DYRK1A: variants seen among roughly 807,000 people sequenced by gnomAD.
The protein encoded by DYRK1A is dual specificity tyrosine phosphorylation regulated kinase 1A.
A neutral mutation model predicts 79.7 loss-of-function variants in DYRK1A; 9 were observed. The ratio of observed to expected loss-of-function variants is 0.11; its 90% CI spans 0.07 to 0.20. DYRK1A has a LOEUF of 0.20. Ranked by LOEUF, DYRK1A falls within the 10% of genes least tolerant of loss-of-function variation. The pLI is 1.00. For synonymous variants in DYRK1A, 349 were observed against 329.7 expected (o/e 1.06, Z -0.63); for missense variants, 622 against 956.0 (o/e 0.65, Z 4.61).
intron 2 of DYRK1A, among the ~76,000 whole-genome samples, chr21:37,430,112 C>A (rs1188033736): frequency 6.6e-6 from 1 of 152,184 alleles, no homozygotes; most frequent in Non-Finnish European, 1.5e-5. Context: ...TAGACAGTTT[C>A]TCTTGATTTC....
chr21:37,368,984 C>G (rs1052182484), intron 1 of DYRK1A, among the ~76,000 whole-genome samples: 6 of 151,938 alleles, frequency 3.9e-5, no homozygotes, highest in East Asian at 1.9e-4. Flanking sequence ...CCCAAGAAAA[C>G]TATGTAGTCA....
At chr21:37,482,353 T>C (rs1405613869) in intron 5 of DYRK1A, among the ~76,000 whole-genome samples, 1 of 152,172 alleles carries the variant, frequency 6.6e-6, no homozygotes, top group Non-Finnish European at 1.5e-5. Flanking sequence ...AAGAGAAATA[T>C]TTTAAAGCTG....
chr21:37,397,213 A>G (rs2049973758), intron 1 of DYRK1A, among the ~76,000 whole-genome samples: 1 of 152,198 alleles, frequency 6.6e-6, no homozygotes. Context: ...CTGGGCTACC[A>G]TTACTATGGA....
intron 1 of DYRK1A, among the ~76,000 whole-genome samples, chr21:37,388,296 C>G (rs2049801885): frequency 1.3e-5 from 2 of 151,930 alleles, no homozygotes; most frequent in South Asian, 2.1e-4. Context: ...GTTGCCCAGG[C>G]TGGTCTCAAA....
rs34646709 is a variant in DYRK1A, at chr21:37,501,166, G to GTTTTTTTTTTTTTTTTT, written c.1213-4110_1213-4094dup. On this transcript the variant is annotated intron_variant, in intron 9 of 11. Transcript: ENST00000647188. ...TTATATGTTTTTTTTGTTGTTGTTGGTTTTTTTTTTTTTTTTTTTTTTTAA... is the reference window on the plus strand; with the variant it reads ...TTATATGTTTTTTTTGTTGTTGTTGGTTTTTTTTTTTTTTTTTTTTTTTTTTTTTTTTTTTTTTTTAA... 2.8e-4 allele frequency among the ~76,000 whole-genome samples: 26 copies of GTTTTTTTTTTTTTTTTT among 93,978 alleles called. 3 individuals are homozygous for GTTTTTTTTTTTTTTTTT. Among genetic ancestry groups the GTTTTTTTTTTTTTTTTT allele is most frequent in the African/African-American group, 1.2e-3 (25 of 21,362 alleles). 61.7% of individuals were successfully genotyped at this position (93,978 alleles called of 152,430 possible).
At chr21:37,484,820 T>C (rs2052795876) in intron 5 of DYRK1A, among the ~76,000 whole-genome samples, 1 of 152,222 alleles carries the variant, frequency 6.6e-6, no homozygotes, top group African/African-American at 2.4e-5. Flanking sequence ...CCTGTGACGA[T>C]AGAGTCCTGC....
chr21:37,511,868 A>G lies in DYRK1A; in HGVS notation c.1645-43A>G, dbSNP rs1162881610. On this transcript the variant is annotated intron_variant, in intron 11 of 11. Transcript: ENST00000647188. Reference sequence around the variant, plus strand: ...CTTTTGATGGAAGATTAAAGCTTGGAAACAGTCCTCTGAAAAATCCTTTTA... The same window carrying G: ...CTTTTGATGGAAGATTAAAGCTTGGGAACAGTCCTCTGAAAAATCCTTTTA... The G allele has an allele frequency of 3.2e-6, 5 of 1,584,348 alleles. No individual in the cohort carries two copies. The African/African-American group carries it at 6.7e-5, about 21-fold the overall frequency.
At chr21:37,412,580 A>G (rs995066758) in intron 1 of DYRK1A, among the ~76,000 whole-genome samples, 1 of 152,218 alleles carries the variant, frequency 6.6e-6, no homozygotes, top group South Asian at 2.1e-4. Context: ...AGTTAATTCT[A>G]GGAAGCATTT....
At chr21:37,420,078 G>A in intron 1 of DYRK1A, 1 of 223,714 alleles carries the variant, frequency 4.5e-6, no homozygotes, top group Non-Finnish European at 8.6e-6. Flanking sequence ...TTTTGAAACT[G>A]TTTTTTTTTT....
Position 37,473,748 on chromosome 21 carries a change from A to G in DYRK1A, c.207+868A>G, listed in dbSNP as rs369728598. Among the ~76,000 whole-genome samples the G allele has an allele frequency of 1.5e-4, 23 of 152,298 alleles. 1 individual carries two copies. Among genetic ancestry groups the G allele is most frequent in the Admixed American group, 7.2e-4 (11 of 15,300 alleles). On this transcript the variant is annotated intron_variant, in intron 3 of 11. Transcript: ENST00000647188. ...AACGTGTTTGTAATAAAATTTTGCT[A>G]GTAGGCTGACATAATGTTTAAAATA...
intron 1 of DYRK1A, among the ~76,000 whole-genome samples, chr21:37,417,541 T>TTTTTC: frequency 1.8e-5 from 1 of 57,132 alleles, no homozygotes; most frequent in Admixed American, 1.6e-4. Context: ...TTTTTTTTTT[T>TTTTTC]TTTTTTTTTT....
intron 2 of DYRK1A, among the ~76,000 whole-genome samples, chr21:37,456,688 C>T (rs1413690034): frequency 3.9e-5 from 6 of 152,140 alleles, no homozygotes; most frequent in Admixed American, 6.5e-5. Flanking sequence ...GAAAAGGGCG[C>T]GGGCCCACCT....
intron 2 of DYRK1A, among the ~76,000 whole-genome samples, chr21:37,471,634 A>G (rs2052227864): frequency 6.6e-6 from 1 of 152,354 alleles, no homozygotes; most frequent in East Asian, 1.9e-4. Context: ...TTAGGTATGC[A>G]TGGCCATACA....
At chr21:37,421,428 ATAAAT>A (rs1040039347) in intron 2 of DYRK1A, among the ~76,000 whole-genome samples, 2 of 152,122 alleles carry the variant, frequency 1.3e-5, no homozygotes, top group Admixed American at 6.6e-5. Flanking sequence ...GAATATATTT[ATAAAT>A]TAAATTAGAG....
intron 1 of DYRK1A, among the ~76,000 whole-genome samples, chr21:37,387,733 G>A (rs2049788128): frequency 6.6e-6 from 1 of 152,128 alleles, no homozygotes; most frequent in African/African-American, 2.4e-5. Flanking sequence ...TGAGAAAAGG[G>A]TACATGGGAG....
chr21:37,383,471 A>G (rs922217267), intron 1 of DYRK1A, among the ~76,000 whole-genome samples: 2 of 152,258 alleles, frequency 1.3e-5, no homozygotes, highest in Non-Finnish European at 2.9e-5. Context: ...GTTTGCAACT[A>G]AGAACCTTTA....
chr21:37,519,058 T>G lies in DYRK1A; in HGVS notation c.*6527T>G, dbSNP rs1021163529. 3.3e-5 allele frequency: 5 copies of G among 152,224 alleles called. No homozygotes were observed. Among genetic ancestry groups the G allele is most frequent in the African/African-American group, 7.2e-5 (3 of 41,468 alleles). 9.4% of individuals were successfully genotyped at this position (152,224 alleles called of 1,614,324 possible). A position where few individuals can be genotyped will look rare whatever the true frequency, so the allele number is the denominator to read the frequency against. On this transcript the variant is annotated 3_prime_UTR_variant, in exon 12 of 12. Transcript: ENST00000647188. ...ATTGCCAGATGTAAGTATATAAAACTTACACAGTTTGTTCCTTTTTGTTGT... is the reference window on the plus strand; with the variant it reads ...ATTGCCAGATGTAAGTATATAAAACGTACACAGTTTGTTCCTTTTTGTTGT...
intron 11 of DYRK1A, among the ~76,000 whole-genome samples, chr21:37,508,722 T>G (rs2053667728): frequency 6.6e-6 from 1 of 152,208 alleles, no homozygotes; most frequent in Non-Finnish European, 1.5e-5. Flanking sequence ...CTCACCCTAG[T>G]CACACTAATT....
chr21:37,470,790 T>C (rs1217881474), intron 2 of DYRK1A, among the ~76,000 whole-genome samples: 1 of 152,226 alleles, frequency 6.6e-6, no homozygotes, highest in Non-Finnish European at 1.5e-5. Context: ...GTGCACATCA[T>C]TGATTATTGC....
Sources: allele counts gnomAD v4.1 joint callset (sites outside exome capture counted in the v4.1 genomes callset), GRCh38; gene constraint gnomAD v4.1.1; transcripts MANE v1.5; gene names NCBI Gene and HGNC (gene_info 2026-07-23, HGNC 2026-07-21).